COL25A1: variants seen among roughly 807,000 people sequenced by gnomAD.
COL25A1 encodes the protein collagen type XXV alpha 1 chain.
COL25A1 carries 103 observed loss-of-function variants against 128.4 expected under a neutral mutation model. That is an observed-to-expected ratio of 0.80 (90% CI 0.68 to 0.94). The LOEUF is 0.94. Ranked by LOEUF, COL25A1 falls within the 40% of genes least tolerant of loss-of-function variation. The pLI is 0.00. For synonymous variants in COL25A1, 279 were observed against 277.2 expected (o/e 1.01, Z -0.06); for missense variants, 745 against 840.0 (o/e 0.89, Z 1.40).
chr4:109,060,598 CT>C (rs1336183469), intron 3 of COL25A1, among the ~76,000 whole-genome samples: 1 of 151,676 alleles, frequency 6.6e-6, no homozygotes, highest in African/African-American at 2.4e-5. Flanking sequence ...CTTTTCACAT[CT>C]CTGAATGTCT....
At chr4:108,863,813 C>T (rs374435278) in intron 20 of COL25A1, among the ~76,000 whole-genome samples, 61 of 152,328 alleles carry the variant, frequency 4.0e-4, no homozygotes, top group African/African-American at 1.4e-3. Flanking sequence ...AGTCCTTGGA[C>T]ATCAGAACTC....
intron 3 of COL25A1, among the ~76,000 whole-genome samples, chr4:109,130,886 G>A (rs749199591): frequency 1.3e-5 from 2 of 151,998 alleles, no homozygotes; most frequent in Non-Finnish European, 1.5e-5. Context: ...TAAACCATTT[G>A]TTTATAATTC....
intron 6 of COL25A1, among the ~76,000 whole-genome samples, chr4:108,982,550 T>C (rs1379586663): frequency 6.6e-6 from 1 of 152,114 alleles, no homozygotes; most frequent in Non-Finnish European, 1.5e-5. Flanking sequence ...TAAAGCATTA[T>C]AGAAGAACCA....
intron 3 of COL25A1, among the ~76,000 whole-genome samples, chr4:109,257,597 C>A (rs1417311166): frequency 6.6e-6 from 1 of 152,182 alleles, no homozygotes; most frequent in Non-Finnish European, 1.5e-5. Context: ...GTGCTCATAG[C>A]AACTCTATTA....
intron 5 of COL25A1, among the ~76,000 whole-genome samples, chr4:109,012,860 G>C (rs537762792): frequency 6.6e-6 from 1 of 152,214 alleles, no homozygotes; most frequent in Non-Finnish European, 1.5e-5. Flanking sequence ...GAGTGCAGGC[G>C]CGTGGCATGG....
chr4:109,080,194 T>G (rs550801110), intron 3 of COL25A1, among the ~76,000 whole-genome samples: 1 of 152,314 alleles, frequency 6.6e-6, no homozygotes, highest in African/African-American at 2.4e-5. Context: ...TAGGTACTCC[T>G]GTTATTCCCA....
chr4:109,119,081 G>A (rs1284778631), intron 3 of COL25A1, among the ~76,000 whole-genome samples: 2 of 151,996 alleles, frequency 1.3e-5, no homozygotes, highest in Non-Finnish European at 2.9e-5. Context: ...AAAATACTTA[G>A]AGATTAAACA....
chr4:109,137,525 G>A (rs1229968989), intron 3 of COL25A1, among the ~76,000 whole-genome samples: 1 of 152,008 alleles, frequency 6.6e-6, no homozygotes, highest in African/African-American at 2.4e-5. Context: ...CTGGACCACT[G>A]GCAACAACCC....
intron 3 of COL25A1, among the ~76,000 whole-genome samples, chr4:109,139,028 G>T (rs943919879): frequency 9.9e-5 from 15 of 152,102 alleles, no homozygotes; most frequent in African/African-American, 3.6e-4. Flanking sequence ...GCGTGAGATG[G>T]TATCTCATTG....
intron 4 of COL25A1, among the ~76,000 whole-genome samples, chr4:109,049,787 G>C (rs1299564640): frequency 6.6e-6 from 1 of 152,164 alleles, no homozygotes; most frequent in Non-Finnish European, 1.5e-5. Context: ...CACCTATATA[G>C]ATGGAAACGT....
At chr4:108,978,787 A>G (rs1752676758) in intron 6 of COL25A1, among the ~76,000 whole-genome samples, 1 of 152,180 alleles carries the variant, frequency 6.6e-6, no homozygotes. Context: ...GGTCAATGGA[A>G]AGGAAAGATG....
Position 109,167,118 on chromosome 4 carries a change from G to A in COL25A1, c.368-116939C>T, listed in dbSNP as rs183078465. On this transcript the variant is annotated intron_variant, in intron 3 of 37. Coordinates refer to ENST00000399132, the MANE Select transcript of COL25A1 (RefSeq NM_198721.4). ...TGAAAATGAGAACATTGCCCTGTTA[G>A]ACAAATGTTCGTGAGGGTATTAAAT... is the stretch of plus-strand genomic sequence containing the variant. Among the ~76,000 whole-genome samples the A allele has an allele frequency of 2.0e-5, 3 of 152,118 alleles. No homozygotes were observed. The South Asian group carries it at 6.2e-4, about 32-fold the overall frequency.
intron 3 of COL25A1, among the ~76,000 whole-genome samples, chr4:109,177,241 A>G (rs1774186744): frequency 6.6e-6 from 1 of 152,180 alleles, no homozygotes; most frequent in South Asian, 2.1e-4. Context: ...GCGTCATTGG[A>G]CACACTCCTT....
intron 3 of COL25A1, among the ~76,000 whole-genome samples, chr4:109,063,639 G>A (rs1377800751): frequency 2.0e-5 from 3 of 151,990 alleles, no homozygotes; most frequent in Non-Finnish European, 4.4e-5. Flanking sequence ...CCCAGTTCAA[G>A]ACCAGCCTGG....
At chr4:109,003,499 T>C (rs555334900) in intron 6 of COL25A1, among the ~76,000 whole-genome samples, 1 of 152,218 alleles carries the variant, frequency 6.6e-6, no homozygotes, top group Non-Finnish European at 1.5e-5. Flanking sequence ...TTCTCATTAC[T>C]TCTAGTTTGA....
chr4:109,272,716 A>T (rs542079005), intron 3 of COL25A1, among the ~76,000 whole-genome samples: 2 of 152,312 alleles, frequency 1.3e-5, no homozygotes, highest in East Asian at 3.9e-4. Flanking sequence ...AAGGCCTAAT[A>T]GAGCTTCCAA....
At chr4:109,084,359 T>C (rs139521378) in intron 3 of COL25A1, among the ~76,000 whole-genome samples, 28 of 152,292 alleles carry the variant, frequency 1.8e-4, no homozygotes, top group Non-Finnish European at 3.5e-4. Context: ...TTAATACTAT[T>C]CTCACAGTGT....
At chr4:108,819,966 T>C (rs1731620888) in intron 35 of COL25A1, 2 of 776,990 alleles carry the variant, frequency 2.6e-6, no homozygotes, top group Non-Finnish European at 3.5e-6. Context: ...ATTCAAAAGA[T>C]GGTTTAGGTA....
chr4:108,895,071 T>G (rs979779857), intron 16 of COL25A1, among the ~76,000 whole-genome samples: 1 of 152,118 alleles, frequency 6.6e-6, no homozygotes, highest in Non-Finnish European at 1.5e-5. Context: ...AATGCTGAGG[T>G]TGAGAAACAC....
Sources: gnomAD v4.1 joint callset for allele counts (sites outside exome capture counted in the v4.1 genomes callset) on GRCh38, gnomAD v4.1.1 for gene constraint, MANE v1.5 for transcripts, NCBI Gene and HGNC (gene_info 2026-07-23, HGNC 2026-07-21) for gene names.